The following VCAN variants were observed in gnomAD, a reference collection of about 807,000 sequenced individuals.
The protein encoded by VCAN is versican.
Under a neutral mutation model 245.5 loss-of-function variants are expected in VCAN, and 44 were observed. That is an observed-to-expected ratio of 0.18 (90% CI 0.14 to 0.23). VCAN has a LOEUF of 0.23. Ranked by LOEUF, VCAN falls within the 10% of genes least tolerant of loss-of-function variation. The pLI is 1.00. For missense variants in VCAN, 3,793 were observed against 4,057.9 expected (o/e 0.93, Z 1.77); for synonymous variants, 1,413 against 1,437.0 (o/e 0.98, Z 0.38).
At chr5:83,535,201 A>T (rs1746659870) in intron 7 of VCAN, among the ~76,000 whole-genome samples, 1 of 152,128 alleles carries the variant, frequency 6.6e-6, no homozygotes, top group Admixed American at 6.6e-5. Flanking sequence ...ATTTATTTGA[A>T]TACCCATATG....
At position 83,537,436 on chromosome 5, in the gene VCAN, A is replaced by G. The variant is rs775935511; in HGVS notation, c.4433A>G (p.Glu1478Gly). The G allele has an allele frequency of 6.2e-7, 1 of 1,613,972 alleles. No homozygotes were observed. The highest frequency in any genetic ancestry group is 1.1e-5 in the South Asian group (1 of 91,090). The change falls in exon 8 of 15, where the codon GAA (glutamate) becomes GGA (glycine). Residue 1478 changes from glutamate (E) to glycine (G), a missense_variant. Around this residue, in one of 5 missense-constraint regions of VCAN, gnomAD observed 3,182 missense variants for 3,250.3 expected, o/e 0.98. Coordinates refer to ENST00000265077, the MANE Select transcript of VCAN (RefSeq NM_004385.5). ...TCTACAGAAACAACTGAGTCTCTTG[A>G]AGTTACATGGAAGCCTGAGACTTAC... ...NESTETTESL[E>G]VTWKPETYPE...
In VCAN at chr5:83,522,270, A is replaced by T. The variant is rs775174671; in HGVS notation, c.3964A>T (p.Ile1322Phe). Residue 1322 changes from isoleucine to phenylalanine, a missense_variant, in exon 7 of 15, where the codon ATT becomes TTT. Physicochemically the swap from Ile to Phe is conservative, Grantham distance 21 (BLOSUM62 0). Transcript: ENST00000265077. ...PPASTKFHPD[I>F]NVYIIEVREN... ...AGCAAGCACAAAATTTCACCCTGACATTAATGTTTATATTATTGAGGTCAG... is the reference window on the plus strand; with the variant it reads ...AGCAAGCACAAAATTTCACCCTGACTTTAATGTTTATATTATTGAGGTCAG... 1.1e-5 allele frequency: 17 copies of T among 1,599,586 alleles called. No individual in the cohort carries two copies. Among genetic ancestry groups the T allele is most frequent in the Non-Finnish European group, 1.4e-5 (17 of 1,179,878 alleles).
chr5:83,492,018 C>T (rs1191254122), intron 3 of VCAN, among the ~76,000 whole-genome samples: 1 of 151,888 alleles, frequency 6.6e-6, no homozygotes, highest in East Asian at 1.9e-4. Flanking sequence ...TACAAATTGG[C>T]GTTTGATTTT....
intron 5 of VCAN, among the ~76,000 whole-genome samples, chr5:83,495,405 A>T (rs1036857914): frequency 1.3e-5 from 2 of 152,230 alleles, no homozygotes; most frequent in African/African-American, 2.4e-5. Context: ...ATCACTGAAG[A>T]TTGCCAGATG....
chr5:83,521,357 TC>T lies in VCAN; in HGVS notation c.3053del (p.Pro1018GlnfsTer4). The T allele has an allele frequency of 6.2e-7, 1 of 1,614,060 alleles. No individual in the cohort carries two copies. The highest frequency in any genetic ancestry group is 8.5e-7 in the Non-Finnish European group (1 of 1,179,998). On this transcript the variant is annotated frameshift_variant, in exon 7 of 15. Coordinates refer to ENST00000265077, the MANE Select transcript of VCAN (RefSeq NM_004385.5). LOFTEE classifies it high-confidence loss of function. ...AGACTCGCCTTGAAGCGACTATTTC[TC>T]CAGAAACTATGAGAACAACAAAAAT... ...DQTRLEATIS[P>X]ETMRTTKITE...
chr5:83,563,640 C>A (rs1215544036), intron 12 of VCAN, among the ~76,000 whole-genome samples: 2 of 152,128 alleles, frequency 1.3e-5, no homozygotes, highest in African/African-American at 2.4e-5. Context: ...TGCTTTCCTA[C>A]TTCGGTGGTT....
intron 2 of VCAN, 74 bp from the exon 3 acceptor site, chr5:83,490,024 A>G: frequency 6.5e-7 from 1 of 1,534,620 alleles, no homozygotes; most frequent in South Asian, 1.1e-5. Flanking sequence ...AAGGCTGCTT[A>G]TCCATTCACA....
Position 83,527,660 on chromosome 5 carries a change from G to A in VCAN, c.4003+5351G>A, listed in dbSNP as rs1298377511. Among the ~76,000 whole-genome samples the A allele has an allele frequency of 2.0e-5, 3 of 152,244 alleles. No homozygotes were observed. The East Asian group carries it at 5.8e-4, about 29-fold the overall frequency. On this transcript the variant is annotated intron_variant, in intron 7 of 14. Coordinates refer to ENST00000265077, the MANE Select transcript of VCAN (RefSeq NM_004385.5). ...AAATATTTTGTATACGTAATACATA[G>A]ATGCACATATAAACACACACATATA... is the stretch of plus-strand genomic sequence containing the variant.
chr5:83,475,108 CATTCGACAAGACTAA>C (rs1744339059), intron 1 of VCAN, among the ~76,000 whole-genome samples: 1 of 152,160 alleles, frequency 6.6e-6, no homozygotes. Flanking sequence ...CAAATACTGC[CATTCGACAAGACTAA>C]TAGAATTTCA....
chr5:83,537,939 G>A lies in VCAN; in HGVS notation c.4936G>A (p.Glu1646Lys). The change falls in exon 8 of 15, where the codon GAA becomes AAA. Residue 1646 changes from glutamate to lysine, a missense_variant. Transcript: ENST00000265077. Reference sequence around the variant, plus strand: ...AATTACAGAAGGCTCTGGAGAAGCAGAAGAAGATGAAGATACAATGTTCAC... The same window carrying A: ...AATTACAGAAGGCTCTGGAGAAGCAAAAGAAGATGAAGATACAATGTTCAC... The part of the protein sequence containing the change: ...IPITEGSGEA[E>K]EDEDTMFTMV... 6.2e-7 allele frequency: 1 copy of A among 1,613,916 alleles called. No homozygotes were observed. Among genetic ancestry groups the A allele is most frequent in the South Asian group, 1.1e-5 (1 of 91,070 alleles).
In VCAN at chr5:83,483,536, G is replaced by C. The variant is rs868477733; in HGVS notation, c.18G>C (p.Lys6Asn). Reference protein sequence around the residue: MFINIKSILWMCSTLI... With the variant: MFININSILWMCSTLI... ...AGGCCAAGATGTTCATAAATATAAAGAGCATCTTATGGATGTGTTCAACCT... is the reference window on the plus strand; with the variant it reads ...AGGCCAAGATGTTCATAAATATAAACAGCATCTTATGGATGTGTTCAACCT... Residue 6 changes from lysine to asparagine, a missense_variant, in exon 2 of 15, where the codon AAG (lysine) becomes AAC (asparagine). Lys to Asn is a moderately conservative substitution (Grantham distance 94). Transcript: ENST00000265077. 7.4e-6 allele frequency: 12 copies of C among 1,613,404 alleles called. No homozygotes were observed. In the Middle Eastern group the frequency reaches 1.8e-3, roughly 244 times the overall value.
intron 10 of VCAN, among the ~76,000 whole-genome samples, 178 bp from the exon 11 acceptor site, chr5:83,553,186 G>A (rs1244558391): frequency 2.0e-5 from 3 of 152,162 alleles, no homozygotes; most frequent in African/African-American, 7.2e-5. Flanking sequence ...CACTTGGCAC[G>A]AATCAGTTGG....
Position 83,541,056 on chromosome 5 carries a change from G to C in VCAN, c.8053G>C (p.Val2685Leu), listed in dbSNP as rs59948995. 1 of 1,614,006 alleles carries C rather than the reference G, an allele frequency of 6.2e-7. No individual in the cohort carries two copies. Among genetic ancestry groups the C allele is most frequent in the Admixed American group, 1.7e-5 (1 of 59,984 alleles). Reference sequence around the variant, plus strand: ...TCCTAGCACAGAAACAGAATTAGACGTTTTACTTCCCACGGCAACATCCCT... The same window carrying C: ...TCCTAGCACAGAAACAGAATTAGACCTTTTACTTCCCACGGCAACATCCCT... ...PAPSTETELDVLLPTATSLPI... is the reference protein window; with the variant it reads ...PAPSTETELDLLLPTATSLPI... The change falls in exon 8 of 15, where the codon GTT becomes CTT. Residue 2685 changes from valine to leucine, a missense_variant. This residue lies in a region of VCAN where 3,182 missense variants were observed against 3,250.3 expected (regional missense o/e 0.98). Transcript: ENST00000265077.
At position 83,481,279 on chromosome 5, in the gene VCAN, C is replaced by T. The variant is rs188379161; in HGVS notation, c.-6-2234C>T. Among the ~76,000 whole-genome samples the T allele has an allele frequency of 2.8e-3, 406 of 144,016 alleles. 3 individuals are homozygous for T. In the East Asian group the frequency reaches 0.03, roughly 11 times the overall value. 94.5% of individuals were successfully genotyped at this position (144,016 alleles called of 152,430 possible). On this transcript the variant is annotated intron_variant, in intron 1 of 14. Transcript: ENST00000265077. ...TTTTTTTTTGAGACGGAGTCTCGCT[C>T]TGTCGCCCAGGCGCAATCTCAGCTC...
intron 10 of VCAN, among the ~76,000 whole-genome samples, chr5:83,552,304 A>C (rs1747500298): frequency 6.6e-6 from 1 of 152,080 alleles, no homozygotes; most frequent in Non-Finnish European, 1.5e-5. Context: ...TTAATCAGCA[A>C]ATTTGGGTGG....
chr5:83,582,257 C>G lies in VCAN; in HGVS notation c.*1823C>G, dbSNP rs1013612967. 6.6e-6 allele frequency: 1 copy of G among 151,998 alleles called. No individual in the cohort carries two copies. The highest frequency in any genetic ancestry group is 2.4e-5 in the African/African-American group (1 of 41,394). The allele number at this position is 151,998 out of a possible 1,614,324, so 9.4% of individuals were successfully genotyped here. A position where few individuals can be genotyped will look rare whatever the true frequency, so the allele number is the denominator to read the frequency against. ...CTAAAATCTTTGTAACTTTTTATAT[C>G]TGCTTTTGTTTCACCAAAGAAACCT... On this transcript the variant is annotated 3_prime_UTR_variant, in exon 15 of 15. Coordinates refer to ENST00000265077, the MANE Select transcript of VCAN (RefSeq NM_004385.5).
At chr5:83,563,959 A>C (rs1276080522) in intron 12 of VCAN, among the ~76,000 whole-genome samples, 1 of 152,118 alleles carries the variant, frequency 6.6e-6, no homozygotes, top group Non-Finnish European at 1.5e-5. Flanking sequence ...CATTGATGTA[A>C]ATCATCGGAT....
At chr5:83,527,009 G>A (rs530310435) in intron 7 of VCAN, among the ~76,000 whole-genome samples, 1 of 152,222 alleles carries the variant, frequency 6.6e-6, no homozygotes, top group South Asian at 2.1e-4. Context: ...GCCCTCTTTG[G>A]AGCATTTTTG....
intron 10 of VCAN, among the ~76,000 whole-genome samples, chr5:83,552,688 TG>T (rs971089568): frequency 7.9e-5 from 12 of 152,058 alleles, no homozygotes; most frequent in Admixed American, 2.6e-4. Context: ...CCTGGTGGAA[TG>T]GGGGGGTGAG....
Sources: gnomAD v4.1 joint callset for allele counts (sites outside exome capture counted in the v4.1 genomes callset) on GRCh38, gnomAD v4.1.1 for gene constraint, gnomAD v4.1.1 regional missense constraint, MANE v1.5 for transcripts, NCBI Gene and HGNC (gene_info 2026-07-23, HGNC 2026-07-21) for gene names.